PBLD: variants seen among roughly 807,000 people sequenced by gnomAD.
The protein encoded by PBLD is phenazine biosynthesis-like domain-containing protein.
PBLD carries 26 observed loss-of-function variants against 31.3 expected under a neutral mutation model. The ratio of observed to expected loss-of-function variants is 0.83; its 90% CI spans 0.61 to 1.15. The LOEUF (loss-of-function observed/expected upper bound fraction) is 1.15. PBLD is among the 50% of genes most tolerant of loss of function. The pLI is 0.00. For missense variants in PBLD, 307 were observed against 351.7 expected (o/e 0.87, Z 1.02); for synonymous variants, 114 against 129.0 (o/e 0.88, Z 0.79).
chr10:68,303,381 C>CA (rs1439015525), intron 2 of PBLD, among the ~76,000 whole-genome samples: 5 of 148,868 alleles, frequency 3.4e-5, no homozygotes, highest in African/African-American at 5.0e-5. Flanking sequence ...CCACCGCACC[C>CA]AGACAATTTT....
rs1442716442 is a variant in PBLD at position 68,283,050 on chromosome 10, C to CA, written c.*1126_*1127insT. 6.9e-6 allele frequency: 1 copy of CA among 145,764 alleles called. No homozygotes were observed. The highest frequency in any genetic ancestry group is 1.5e-5 in the Non-Finnish European group (1 of 65,750). 9.0% of individuals were successfully genotyped at this position (145,764 alleles called of 1,614,324 possible). On this transcript the variant is annotated 3_prime_UTR_variant, in exon 10 of 10. Transcript: ENST00000358769. ...CAAGAAAAAGATTGAAATTACATTC[C>CA]TTTTTTTTTTTTTAATAGAGACAAG...
intron 1 of PBLD, among the ~76,000 whole-genome samples, chr10:68,317,191 G>C (rs781531655): frequency 9.9e-5 from 15 of 152,116 alleles, no homozygotes; most frequent in Non-Finnish European, 1.9e-4. Context: ...TGTCAACCAA[G>C]AATTCTATGT....
chr10:68,327,922 G>A (rs749242612), intron 1 of PBLD, among the ~76,000 whole-genome samples: 1 of 152,102 alleles, frequency 6.6e-6, no homozygotes, highest in South Asian at 2.1e-4. Context: ...ATGTTTAGGT[G>A]CTTTCTTCCT....
At chr10:68,306,615 T>G in intron 2 of PBLD, 146 bp downstream of exon 2, 1 of 616,922 alleles carries the variant, frequency 1.6e-6, no homozygotes, top group Non-Finnish European at 2.7e-6. Context: ...CAAAATCAAC[T>G]TGCATACATG....
chr10:68,302,072 T>C (rs2134462386), intron 2 of PBLD, among the ~76,000 whole-genome samples: 1 of 152,330 alleles, frequency 6.6e-6, no homozygotes, highest in Non-Finnish European at 1.5e-5. Flanking sequence ...TTTGAAAGCC[T>C]TACAAACAAA....
chr10:68,293,037 A>G (rs2044380219), intron 4 of PBLD, among the ~76,000 whole-genome samples: 2 of 151,890 alleles, frequency 1.3e-5, no homozygotes, highest in South Asian at 4.2e-4. Flanking sequence ...ATTTTTAAAT[A>G]TTTTGTAAAG....
At chr10:68,287,148 G>A (rs1301927692) in intron 8 of PBLD, 2 of 151,774 alleles carry the variant, frequency 1.3e-5, no homozygotes, top group Non-Finnish European at 2.9e-5. Context: ...GTTCAAGTAA[G>A]GCAACCAACC....
intron 6 of PBLD, among the ~76,000 whole-genome samples, chr10:68,291,212 A>C (rs535020558): frequency 6.6e-6 from 1 of 152,308 alleles, no homozygotes; most frequent in East Asian, 1.9e-4. Context: ...GGCCCTGCAG[A>C]ACCTTCATGG....
intron 6 of PBLD, among the ~76,000 whole-genome samples, chr10:68,291,296 T>A (rs1344133149): frequency 6.6e-6 from 1 of 152,198 alleles, no homozygotes; most frequent in African/African-American, 2.4e-5. Flanking sequence ...GCTCAGCATG[T>A]GGCACTGCAC....
At chr10:68,319,105 A>AAGAAAGAAAG (rs2044790358) in intron 1 of PBLD, among the ~76,000 whole-genome samples, 1 of 135,894 alleles carries the variant, frequency 7.4e-6, no homozygotes, top group East Asian at 2.2e-4. Context: ...GAAAGAAAGA[A>AAGAAAGAAAG]AGAAAGGAAA....
intron 8 of PBLD, 50 bp downstream of exon 8, chr10:68,288,433 A>G: frequency 6.4e-7 from 1 of 1,573,202 alleles, no homozygotes; most frequent in Non-Finnish European, 8.6e-7. Flanking sequence ...ACTATTTGTG[A>G]TCCTCCTCTT....
chr10:68,305,285 T>TC (rs1247094051), intron 2 of PBLD, among the ~76,000 whole-genome samples: 4 of 150,878 alleles, frequency 2.7e-5, no homozygotes, highest in Non-Finnish European at 5.9e-5. Flanking sequence ...TTTTTTTTTT[T>TC]CTTTTTTCTT....
chr10:68,319,369 C>T (rs1368484017), intron 1 of PBLD, among the ~76,000 whole-genome samples: 1 of 152,060 alleles, frequency 6.6e-6, no homozygotes, highest in Admixed American at 6.6e-5. Context: ...GGGCAAAGAT[C>T]GGTAGAATGG....
In PBLD at chr10:68,296,054, G is replaced by A. The variant is rs182340393; in HGVS notation, c.283+212C>T. 881 of 401,412 alleles carry A rather than the reference G, an allele frequency of 2.2e-3. 11 individuals carry two copies. The highest frequency in any genetic ancestry group is 0.016 in the African/African-American group (801 of 48,572). 24.9% of individuals were successfully genotyped at this position (401,412 alleles called of 1,614,324 possible). A position where few individuals can be genotyped will look rare whatever the true frequency, so the allele number is the denominator to read the frequency against. On this transcript the variant is annotated intron_variant, in intron 4 of 9. Transcript: ENST00000358769. ...AATAAAATAAAATAGCATTCTGATCGCAGCTTTCCAATGATGCTGGGCACA... is the reference window on the plus strand; with the variant it reads ...AATAAAATAAAATAGCATTCTGATCACAGCTTTCCAATGATGCTGGGCACA...
intron 1 of PBLD, among the ~76,000 whole-genome samples, chr10:68,307,916 A>T (rs2044605313): frequency 6.6e-6 from 1 of 152,332 alleles, no homozygotes; most frequent in Non-Finnish European, 1.5e-5. Context: ...TCTAATTAAA[A>T]AATATGCTCA....
chr10:68,311,091 C>T (rs950879990), intron 1 of PBLD, among the ~76,000 whole-genome samples: 2 of 152,106 alleles, frequency 1.3e-5, no homozygotes, highest in Non-Finnish European at 2.9e-5. Context: ...TGTATGGGTA[C>T]ACACCATTAA....
Position 68,309,332 on chromosome 10 carries a change from G to C in PBLD, c.-59-2429C>G, listed in dbSNP as rs571697310. On this transcript the variant is annotated intron_variant, in intron 1 of 9. Coordinates refer to ENST00000358769, the MANE Select transcript of PBLD (RefSeq NM_022129.4). ...CGAGGCAGGAGAATCGCTTGAACCT[G>C]TGAGGCGGAAGTTGCAGTGAGCCGA... Among the ~76,000 whole-genome samples, 121 of 141,532 alleles carry C rather than the reference G, an allele frequency of 8.5e-4. 5 individuals carry two copies. The South Asian group carries it at 0.028, about 32-fold the overall frequency. The allele number at this position is 141,532 out of a possible 152,430, so 92.9% of individuals were successfully genotyped here.
At chr10:68,292,805 T>G (rs774142531) in intron 4 of PBLD, among the ~76,000 whole-genome samples, 1 of 152,132 alleles carries the variant, frequency 6.6e-6, no homozygotes, top group Non-Finnish European at 1.5e-5. Flanking sequence ...CCACCACACC[T>G]GGCCAGCCTC....
At chr10:68,328,463 G>A (rs1428780068) in intron 1 of PBLD, among the ~76,000 whole-genome samples, 3 of 151,986 alleles carry the variant, frequency 2.0e-5, no homozygotes, top group African/African-American at 4.8e-5. Flanking sequence ...ACATGATCAC[G>A]TGTTTGTTGT....
Sources: allele counts gnomAD v4.1 joint callset (sites outside exome capture counted in the v4.1 genomes callset), GRCh38; gene constraint gnomAD v4.1.1; transcripts MANE v1.5; gene names NCBI Gene and HGNC (gene_info 2026-07-23, HGNC 2026-07-21).